ATRNL1: variants seen among roughly 807,000 people sequenced by gnomAD.
The protein encoded by ATRNL1 is attractin like 1.
ATRNL1 carries 95 observed loss-of-function variants against 182.7 expected under a neutral mutation model. The ratio of observed to expected loss-of-function variants is 0.52; its 90% confidence interval spans 0.44 to 0.62. ATRNL1 has a LOEUF of 0.62. ATRNL1 is among the 20% of genes least tolerant of loss of function. The probability of loss-of-function intolerance (pLI) is 0.00; values close to 1 mark genes in which losing one functional copy is unlikely to be tolerated. For missense variants in ATRNL1, 1,471 were observed against 1,679.5 expected, an observed-to-expected ratio of 0.88 and a Z score of 2.17; for synonymous variants, 576 against 568.3, an observed-to-expected ratio of 1.01 and a Z score of -0.19.
At position 115,315,531 on chromosome 10, in the gene ATRNL1, T is replaced by C. The variant is rs144745106; in HGVS notation, c.2832T>C (p.Ser944=). 19 of 1,610,214 alleles carry C rather than the reference T, an allele frequency of 1.2e-5. No individual in the cohort carries two copies. In the South Asian group the frequency reaches 2.0e-4, roughly 17 times the overall value. ...CCTGTCACGCAGCTCAAAATTGTTCTGGATTGAGAACCTGTGGACAGTGTT... is the reference window on the plus strand; with the variant it reads ...CCTGTCACGCAGCTCAAAATTGTTCCGGATTGAGAACCTGTGGACAGTGTT... ...QTATCSPQNC[S]GLRTCGQCLE... The change falls in exon 18 of 29, where the codon TCT becomes TCC. Residue 944 remains serine, a synonymous_variant. Coordinates refer to ENST00000355044, the MANE Select transcript of ATRNL1 (RefSeq NM_207303.4).
intron 28 of ATRNL1, among the ~76,000 whole-genome samples, chr10:115,915,126 G>T (rs954743609): frequency 6.6e-6 from 1 of 152,098 alleles, no homozygotes; most frequent in Non-Finnish European, 1.5e-5. Flanking sequence ...GGCTGGGTGC[G>T]GTGGCTCACA....
In ATRNL1 at chr10:115,518,425, A is replaced by G. The variant is rs1313321499; in HGVS notation, c.3655-838A>G. On this transcript the variant is annotated intron_variant, in intron 24 of 28. Coordinates refer to ENST00000355044, the MANE Select transcript of ATRNL1 (RefSeq NM_207303.4). ...TAGCTTCAGCAATGTGGGAAAACTCACTTATATTGACATCTCATTTATACA... is the reference window on the plus strand; with the variant it reads ...TAGCTTCAGCAATGTGGGAAAACTCGCTTATATTGACATCTCATTTATACA... 2.6e-5 allele frequency among the ~76,000 whole-genome samples: 4 copies of G among 151,964 alleles called. No homozygotes were observed. In the South Asian group the frequency reaches 6.2e-4, roughly 24 times the overall value.
chr10:115,094,098 C>T, intron 1 of ATRNL1, 55 bp downstream of exon 1: 1 of 1,311,834 alleles, frequency 7.6e-7, no homozygotes. Flanking sequence ...CCCGTCGCGG[C>T]CTTCCCCGCC....
At chr10:115,859,118 G>C (rs1555102842) in intron 28 of ATRNL1, among the ~76,000 whole-genome samples, 1 of 151,816 alleles carries the variant, frequency 6.6e-6, no homozygotes, top group African/African-American at 2.4e-5. Flanking sequence ...CCACTCTCTT[G>C]CCCTTATCTA....
intron 24 of ATRNL1, among the ~76,000 whole-genome samples, chr10:115,472,847 A>G (rs994221842): frequency 2.0e-5 from 3 of 150,820 alleles, no homozygotes; most frequent in African/African-American, 7.3e-5. Context: ...TCCTTGTCTA[A>G]TTGCTTTTTC....
In ATRNL1 at chr10:115,093,741, G is replaced by T. The variant is rs1554862238; in HGVS notation, c.-10G>T. On this transcript the variant is annotated 5_prime_UTR_variant, in exon 1 of 29. Coordinates refer to ENST00000355044, the MANE Select transcript of ATRNL1 (RefSeq NM_207303.4). This position sits in a 1 kb window ranked among gnomAD's most constrained non-coding sequence, Gnocchi z 6.1. ...GAGCGCAGTCTCGCCGGGCAGGGGCGCCGGGGAAGATGGAGACTGGGGGCC... is the reference window on the plus strand; with the variant it reads ...GAGCGCAGTCTCGCCGGGCAGGGGCTCCGGGGAAGATGGAGACTGGGGGCC... The T allele has an allele frequency of 2.1e-6, 3 of 1,414,228 alleles. No homozygotes were observed. The highest frequency in any genetic ancestry group is 1.5e-5 in the African/African-American group (1 of 66,016). The allele number at this position is 1,414,228 out of a possible 1,614,324, so 87.6% of individuals were successfully genotyped here. A position where few individuals can be genotyped will look rare whatever the true frequency, so the allele number is the denominator to read the frequency against.
chr10:115,540,264 A>G (rs1852277190), intron 25 of ATRNL1, among the ~76,000 whole-genome samples: 1 of 152,066 alleles, frequency 6.6e-6, no homozygotes, highest in African/African-American at 2.4e-5. Flanking sequence ...TCATAGATAG[A>G]ACTCTGCTTT....
At chr10:115,533,748 T>C (rs1851766266) in intron 25 of ATRNL1, among the ~76,000 whole-genome samples, 1 of 150,580 alleles carries the variant, frequency 6.6e-6, no homozygotes, top group Non-Finnish European at 1.5e-5. Context: ...TTTAGTGCTA[T>C]AAATTTCCCT....
intron 27 of ATRNL1, among the ~76,000 whole-genome samples, chr10:115,831,163 C>T (rs1165702432): frequency 2.6e-5 from 4 of 152,106 alleles, no homozygotes; most frequent in African/African-American, 9.7e-5. Flanking sequence ...GTTGGTATTT[C>T]CCGGTTTGCT....
chr10:115,255,937 G>A (rs553405632), intron 10 of ATRNL1, among the ~76,000 whole-genome samples: 3 of 152,232 alleles, frequency 2.0e-5, no homozygotes, highest in South Asian at 4.1e-4. Flanking sequence ...TATGGATTAT[G>A]TTTATTGATT....
At chr10:115,198,857 G>A (rs1213224823) in intron 8 of ATRNL1, among the ~76,000 whole-genome samples, 1 of 152,094 alleles carries the variant, frequency 6.6e-6, no homozygotes, top group Non-Finnish European at 1.5e-5. Context: ...CTGTTTCACT[G>A]GTCTTGTGTT....
At chr10:115,637,625 TA>T (rs1858968496) in intron 26 of ATRNL1, among the ~76,000 whole-genome samples, 1 of 147,888 alleles carries the variant, frequency 6.8e-6, no homozygotes, top group Non-Finnish European at 1.5e-5. Context: ...TTATTATTAT[TA>T]TTATTATTAT....
intron 11 of ATRNL1, among the ~76,000 whole-genome samples, chr10:115,266,349 T>C (rs1384392200): frequency 6.6e-6 from 1 of 151,788 alleles, no homozygotes; most frequent in Admixed American, 6.6e-5. Context: ...TGTGTCTATA[T>C]TGAAAAGTTA....
intron 26 of ATRNL1, among the ~76,000 whole-genome samples, chr10:115,629,025 T>C (rs1264177874): frequency 8.5e-5 from 13 of 152,198 alleles, no homozygotes; most frequent in African/African-American, 3.1e-4. Context: ...TTCTATTTAA[T>C]ACCATTTTAT....
chr10:115,195,110 T>G (rs78293701), intron 8 of ATRNL1, among the ~76,000 whole-genome samples: 8,672 of 152,144 alleles, frequency 0.057, 792 homozygotes, highest in African/African-American at 0.19. Flanking sequence ...TTTTTTAGTT[T>G]TTCTACTACA....
At chr10:115,560,930 G>T (rs1410625218) in intron 26 of ATRNL1, among the ~76,000 whole-genome samples, 1 of 152,102 alleles carries the variant, frequency 6.6e-6, no homozygotes, top group Non-Finnish European at 1.5e-5. Flanking sequence ...AACAAATGGG[G>T]CTAGGCAACT....
intron 26 of ATRNL1, among the ~76,000 whole-genome samples, chr10:115,555,703 T>G (rs1401730022): frequency 1.3e-5 from 2 of 151,924 alleles, no homozygotes; most frequent in African/African-American, 4.8e-5. Flanking sequence ...ATGACATAGT[T>G]TGTATGATGT....
At chr10:115,219,723 T>G (rs1272678930) in intron 9 of ATRNL1, among the ~76,000 whole-genome samples, 1 of 152,014 alleles carries the variant, frequency 6.6e-6, no homozygotes, top group Non-Finnish European at 1.5e-5. Flanking sequence ...GCTAACATGG[T>G]GAAACCCCAT....
At chr10:115,721,975 G>A (rs1261527467) in intron 26 of ATRNL1, among the ~76,000 whole-genome samples, 1 of 152,040 alleles carries the variant, frequency 6.6e-6, no homozygotes, top group Non-Finnish European at 1.5e-5. Flanking sequence ...ACAATATTTT[G>A]CTTTTGAATA....
Sources: allele counts gnomAD v4.1 joint callset (sites outside exome capture counted in the v4.1 genomes callset), GRCh38; gene constraint gnomAD v4.1.1; non-coding constraint Gnocchi (gnomAD v3.1); transcripts MANE v1.5; gene names NCBI Gene and HGNC (gene_info 2026-07-23, HGNC 2026-07-21).